Variants in ZNF707 observed in about 807,000 individuals in gnomAD.
ZNF707 encodes the protein zinc finger protein 707.
ZNF707 carries 8 observed loss-of-function variants against 13.3 expected under a neutral mutation model. The observed-to-expected ratio is 0.60, with a 90% CI of 0.35 to 1.09. The LOEUF (loss-of-function observed/expected upper bound fraction) is 1.09, where lower values mean the gene tolerates loss of function less well. ZNF707 is among the 50% of genes least tolerant of loss of function. The probability of loss-of-function intolerance (pLI) is 0.02; values close to 1 mark genes in which losing one functional copy is unlikely to be tolerated. For missense variants in ZNF707, 530 were observed against 512.6 expected (o/e 1.03, Z -0.33); for synonymous variants, 225 against 205.6 (o/e 1.09, Z -0.81).
At chr8:143,690,755 T>C (rs1816730799) in intron 3 of ZNF707, 1 of 344,982 alleles carries the variant, frequency 2.9e-6, no homozygotes, top group Non-Finnish European at 5.3e-6. Flanking sequence ...GCAGATCTGG[T>C]TTCTGGTGGG....
In ZNF707 at chr8:143,694,438, A is replaced by T. The variant is rs1214336637; in HGVS notation, c.1024A>T (p.Arg342Trp). Residue 342 changes from arginine (R) to tryptophan (W), a missense_variant, in exon 6 of 6, where the codon AGG becomes TGG. By Grantham distance (101) the Arg-to-Trp change is moderately radical. Transcript: ENST00000358656. This position sits in a 1 kb window ranked among gnomAD's most constrained non-coding sequence, Gnocchi z 4.4. Reference sequence around the variant, plus strand: ...CCACCGGAGGCTGCACCTGACGAAGAGGTTCTACGAGTGCGGCCACTGTGG... The same window carrying T: ...CCACCGGAGGCTGCACCTGACGAAGTGGTTCTACGAGTGCGGCCACTGTGG... ...SIHRRLHLTK[R>W]FYECGHCGKG... 1 of 1,612,200 alleles carries T rather than the reference A, an allele frequency of 6.2e-7. No individual in the cohort carries two copies. Among genetic ancestry groups the T allele is most frequent in the Middle Eastern group, 1.6e-4 (1 of 6,082 alleles).
rs782083900 is a variant in ZNF707 at position 143,690,141 on chromosome 8, C to T, written c.15+18C>T. ...TGGCCCAGGTGAGCCCTGCTGCTGC[C>T]GAGCGCAGCCTCCCTTCTGCCCTGC... On this transcript the variant is annotated intron_variant, in intron 3 of 5. Coordinates refer to ENST00000358656, the MANE Select transcript of ZNF707 (RefSeq NM_001100598.2). The T allele has an allele frequency of 2.0e-5, 32 of 1,603,886 alleles. No individual in the cohort carries two copies. Among genetic ancestry groups the T allele is most frequent in the Middle Eastern group, 1.6e-4 (1 of 6,078 alleles).
At chr8:143,688,396 G>GGGTC (rs1816485207) in intron 1 of ZNF707, among the ~76,000 whole-genome samples, 1 of 152,162 alleles carries the variant, frequency 6.6e-6, no homozygotes, top group African/African-American at 2.4e-5. Context: ...GAGGGACGAG[G>GGGTC]GGTCAGGGGT....
Position 143,694,625 on chromosome 8 carries a change from A to G in ZNF707, c.*95A>G. ...AGTTGCTCTTCAGCCTGGAAAATCA[A>G]CCTGAATTCAGAGAAGCCTTCTTAG... On this transcript the variant is annotated 3_prime_UTR_variant, in exon 6 of 6. Coordinates refer to ENST00000358656, the MANE Select transcript of ZNF707 (RefSeq NM_001100598.2). The surrounding 1 kb of genome is among the most constrained non-coding windows in gnomAD (Gnocchi z 4.4). The G allele has an allele frequency of 5.9e-6, 8 of 1,365,548 alleles. No individual in the cohort carries two copies. The highest frequency in any genetic ancestry group is 5.0e-5 in the East Asian group (2 of 39,826). The allele number at this position is 1,365,548 out of a possible 1,614,324, so 84.6% of individuals were successfully genotyped here.
rs1554613678 is a variant in ZNF707 at position 143,691,693 on chromosome 8, T to C, written c.236T>C (p.Val79Ala). 1.3e-6 allele frequency: 2 copies of C among 1,599,396 alleles called. No homozygotes were observed. Among genetic ancestry groups the C allele is most frequent in the East Asian group, 2.3e-5 (1 of 44,048 alleles). The change falls in exon 5 of 6, where the codon GTG (valine) becomes GCG (alanine). Residue 79 changes from valine (V) to alanine (A), a missense_variant. Coordinates refer to ENST00000358656, the MANE Select transcript of ZNF707 (RefSeq NM_001100598.2). ...CGGGAGAGACCTGAGTTCCAGGCAG[T>C]GCAGAGGGGACCCCGGCCAGGTGAG... ...EDRERPEFQA[V>A]QRGPRPGARK...
At chr8:143,692,784 G>A (rs1312477990) in intron 5 of ZNF707, among the ~76,000 whole-genome samples, 83 of 45,988 alleles carry the variant, frequency 1.8e-3, no homozygotes, top group African/African-American at 8.4e-3. Flanking sequence ...TGGAGCCCCC[G>A]GCTGGGGAGG....
chr8:143,692,903 C>T (rs932388891), intron 5 of ZNF707, among the ~76,000 whole-genome samples: 4 of 151,822 alleles, frequency 2.6e-5, no homozygotes, highest in Non-Finnish European at 4.4e-5. Flanking sequence ...GTGGAGCCCC[C>T]GGCTGAAGGG....
chr8:143,692,984 CCACCTCCACCCG>C, intron 5 of ZNF707, among the ~76,000 whole-genome samples: 1 of 152,262 alleles, frequency 6.6e-6, no homozygotes, highest in South Asian at 2.1e-4. Context: ...CATCCTAGCA[CCACCTCCACCCG>C]CATGAGTGGG....
chr8:143,690,566 GA>G (rs544640752), intron 3 of ZNF707: 700 of 168,938 alleles, frequency 4.1e-3, no homozygotes, highest in Middle Eastern at 7.2e-3. Context: ...TCTCAAAAAA[GA>G]AAAAAAAAAA....
intron 1 of ZNF707, chr8:143,688,635 C>CTTTTTTTTTTTTTTT (rs34379518): frequency 1.1e-5 from 1 of 88,486 alleles, no homozygotes; most frequent in Non-Finnish European, 2.2e-5. Context: ...TTTGTAATAT[C>CTTTTTTTTTTTTTTT]TTTTTTTTTT....
In ZNF707 at chr8:143,694,835, T is replaced by G. The variant is rs1430482635; in HGVS notation, c.*305T>G. 6.4e-6 allele frequency: 2 copies of G among 314,276 alleles called. No homozygotes were observed. The highest frequency in any genetic ancestry group is 1.2e-5 in the Non-Finnish European group (2 of 172,122). 19.5% of individuals were successfully genotyped at this position (314,276 alleles called of 1,614,324 possible). A position where few individuals can be genotyped will look rare whatever the true frequency, so the allele number is the denominator to read the frequency against. The stretch of plus-strand genomic sequence containing the variant: ...CCCGGAGCCACGTGCCAGGCCGGGC[T>G]CAGAGGCGGAGAAGCCTGCCTGGTG... On this transcript the variant is annotated 3_prime_UTR_variant, in exon 6 of 6. Transcript: ENST00000358656. This position sits in a 1 kb window ranked among gnomAD's most constrained non-coding sequence, Gnocchi z 4.4.
chr8:143,691,022 G>A, intron 3 of ZNF707, 51 bp from the exon 4 acceptor site: 3 of 1,609,954 alleles, frequency 1.9e-6, no homozygotes, highest in Admixed American at 1.7e-5. Flanking sequence ...CCTGTGGGCT[G>A]AGCCTTCTTT....
In ZNF707 at chr8:143,691,053, G is replaced by C. The variant is rs1318333508; in HGVS notation, c.16-20G>C. 2.4e-5 allele frequency: 39 copies of C among 1,613,512 alleles called. No individual in the cohort carries two copies. The highest frequency in any genetic ancestry group is 3.2e-5 in the Non-Finnish European group (38 of 1,179,700). ...TCTTTTTCTTGGGAATGGCCTCTTC[G>C]GGAGCTGTGTGTGTTGCAGGAGCCA... On this transcript the variant is annotated intron_variant, in intron 3 of 5. Transcript: ENST00000358656.
chr8:143,689,997 G>A, intron 2 of ZNF707, 60 bp from the exon 3 acceptor site: 1 of 1,376,206 alleles, frequency 7.3e-7, no homozygotes, highest in Non-Finnish European at 1.0e-6. Context: ...GGCTCCTGGG[G>A]TCAGGTGCGG....
chr8:143,693,738 C>G lies in ZNF707; in HGVS notation c.324C>G (p.His108Gln), dbSNP rs782522100. ...DHPAWAHKKTHVRRERAREGS... is the reference protein window; with the variant it reads ...DHPAWAHKKTQVRRERAREGS... ...CAGCTTGGGCTCACAAGAAAACCCA[C>G]GTGCGGCGAGAAAGAGCCAGGGAAG... Residue 108 changes from histidine to glutamine, a missense_variant, in exon 6 of 6, where the codon CAC becomes CAG. Coordinates refer to ENST00000358656, the MANE Select transcript of ZNF707 (RefSeq NM_001100598.2). The surrounding 1 kb of genome is among the most constrained non-coding windows in gnomAD (Gnocchi z 4.1). 1 of 1,612,566 alleles carries G rather than the reference C, an allele frequency of 6.2e-7. No homozygotes were observed. The highest frequency in any genetic ancestry group is 1.7e-5 in the Admixed American group (1 of 59,932).
In ZNF707 at chr8:143,691,055, G is replaced by A; in HGVS notation, c.16-18G>A. ...TTTTTCTTGGGAATGGCCTCTTCGG[G>A]AGCTGTGTGTGTTGCAGGAGCCAGT... On this transcript the variant is annotated intron_variant, in intron 3 of 5. Coordinates refer to ENST00000358656, the MANE Select transcript of ZNF707 (RefSeq NM_001100598.2). 1 of 1,613,708 alleles carries A rather than the reference G, an allele frequency of 6.2e-7. No individual in the cohort carries two copies. Among genetic ancestry groups the A allele is most frequent in the Non-Finnish European group, 8.5e-7 (1 of 1,179,764 alleles).
chr8:143,695,230 C>T lies in ZNF707; in HGVS notation c.*700C>T, dbSNP rs1310387372. 1 of 152,224 alleles carries T rather than the reference C, an allele frequency of 6.6e-6. No homozygotes were observed. The highest frequency in any genetic ancestry group is 6.5e-5 in the Admixed American group (1 of 15,272). 9.4% of individuals were successfully genotyped at this position (152,224 alleles called of 1,614,324 possible). On this transcript the variant is annotated 3_prime_UTR_variant, in exon 6 of 6. Coordinates refer to ENST00000358656, the MANE Select transcript of ZNF707 (RefSeq NM_001100598.2). ...AGGGCAGTGAGGTGGCCATATCCAC[C>T]ACATCGCATTTCGTGGGGGAAGAGG... is the stretch of plus-strand genomic sequence containing the variant.
chr8:143,694,253 T>C lies in ZNF707; in HGVS notation c.839T>C (p.Leu280Pro). The stretch of plus-strand genomic sequence containing the variant: ...AAGTCCAACCTTCTCAGACACCAGC[T>C]GGTGCACACCGGGGAGCGGCCGTTC... ...KQKSNLLRHQ[L>P]VHTGERPFYC... The change falls in exon 6 of 6, where the codon CTG becomes CCG. Residue 280 changes from leucine (L) to proline (P), a missense_variant. Leu to Pro is a moderately conservative substitution (Grantham distance 98). Transcript: ENST00000358656. This position sits in a 1 kb window ranked among gnomAD's most constrained non-coding sequence, Gnocchi z 4.4. The C allele has an allele frequency of 6.3e-7, 1 of 1,592,438 alleles. No homozygotes were observed. The highest frequency in any genetic ancestry group is 2.2e-5 in the East Asian group (1 of 44,610).
chr8:143,690,977 C>A, intron 3 of ZNF707, 96 bp from the exon 4 acceptor site: 1 of 1,483,188 alleles, frequency 6.7e-7, no homozygotes, highest in Non-Finnish European at 9.1e-7. Flanking sequence ...ATCAGTCCAC[C>A]GCAGGGCCAC....
Sources: gnomAD v4.1 joint callset for allele counts (sites outside exome capture counted in the v4.1 genomes callset) on GRCh38, gnomAD v4.1.1 for gene constraint, Gnocchi (gnomAD v3.1) non-coding constraint, MANE v1.5 for transcripts, NCBI Gene and HGNC (gene_info 2026-07-23, HGNC 2026-07-21) for gene names.